SLC39A11: variants seen among roughly 807,000 people sequenced by gnomAD.
SLC39A11 encodes the protein solute carrier family 39 member 11, also known as zinc transporter ZIP11.
In SLC39A11, 33 loss-of-function variants were observed where a neutral mutation model predicts 36.1. The ratio of observed to expected loss-of-function variants is 0.91; its 90% confidence interval spans 0.69 to 1.22. SLC39A11 has a LOEUF of 1.22. Ranked by LOEUF, SLC39A11 falls within the 50% of genes most tolerant of loss-of-function variation. SLC39A11 has a pLI of 0.00. For missense variants in SLC39A11, 432 were observed against 430.3 expected (o/e 1.00, Z -0.03); for synonymous variants, 166 against 170.3 (o/e 0.97, Z 0.20).
At chr17:72,862,887 G>A (rs1403183703) in intron 5 of SLC39A11, among the ~76,000 whole-genome samples, 1 of 152,196 alleles carries the variant, frequency 6.6e-6, no homozygotes, top group African/African-American at 2.4e-5. Flanking sequence ...GACTGGAACT[G>A]AGCCCAGCCC....
chr17:72,860,255 A>G (rs543634813), intron 5 of SLC39A11, among the ~76,000 whole-genome samples: 104 of 152,036 alleles, frequency 6.8e-4, no homozygotes, highest in Non-Finnish European at 1.2e-3. Context: ...CTTCCCATTC[A>G]CAGGATCAGC....
At chr17:72,808,055 A>T (rs1325816900) in intron 6 of SLC39A11, among the ~76,000 whole-genome samples, 1 of 152,220 alleles carries the variant, frequency 6.6e-6, no homozygotes, top group East Asian at 1.9e-4. Flanking sequence ...CAGGAAAAAA[A>T]AAAAATACCC....
At chr17:73,066,820 C>A (rs902238475) in intron 3 of SLC39A11, among the ~76,000 whole-genome samples, 1 of 152,178 alleles carries the variant, frequency 6.6e-6, no homozygotes, top group African/African-American at 2.4e-5. Flanking sequence ...CAGTTCTACT[C>A]CTGGATATTT....
chr17:72,664,430 C>T (rs1177023308), intron 7 of SLC39A11, among the ~76,000 whole-genome samples: 1 of 152,146 alleles, frequency 6.6e-6, no homozygotes, highest in African/African-American at 2.4e-5. Context: ...AACCGTGGTG[C>T]CATTCTTGGC....
At chr17:72,846,745 G>C (rs1377274920) in intron 6 of SLC39A11, among the ~76,000 whole-genome samples, 1 of 152,178 alleles carries the variant, frequency 6.6e-6, no homozygotes, top group Non-Finnish European at 1.5e-5. Flanking sequence ...CAGAGAAATA[G>C]TTGCCGTAAT....
chr17:72,909,409 A>C (rs2082845726), intron 5 of SLC39A11, among the ~76,000 whole-genome samples: 1 of 152,198 alleles, frequency 6.6e-6, no homozygotes, highest in African/African-American at 2.4e-5. Flanking sequence ...TTCCAAGCTC[A>C]CTTGACCACT....
chr17:72,775,787 G>C (rs2076112705), intron 6 of SLC39A11, among the ~76,000 whole-genome samples: 1 of 152,196 alleles, frequency 6.6e-6, no homozygotes, highest in Non-Finnish European at 1.5e-5. Flanking sequence ...TCCAGCGATT[G>C]AAGAACCTAC....
chr17:72,693,075 T>A (rs1480768527), intron 7 of SLC39A11, among the ~76,000 whole-genome samples: 1 of 152,240 alleles, frequency 6.6e-6, no homozygotes, highest in Non-Finnish European at 1.5e-5. Context: ...AACATCTGGA[T>A]CAATTTGAAA....
At chr17:72,796,407 T>C (rs2076896109) in intron 6 of SLC39A11, among the ~76,000 whole-genome samples, 1 of 152,104 alleles carries the variant, frequency 6.6e-6, no homozygotes, top group South Asian at 2.1e-4. Flanking sequence ...GGAGGGCTTT[T>C]TGCTGCGCTC....
intron 4 of SLC39A11, among the ~76,000 whole-genome samples, chr17:73,020,819 G>C (rs2058324714): frequency 6.6e-6 from 1 of 151,328 alleles, no homozygotes; most frequent in East Asian, 2.0e-4. Context: ...AGTAGCTGGG[G>C]CTACAGGCGC....
At chr17:73,015,740 G>C (rs558968308) in intron 4 of SLC39A11, among the ~76,000 whole-genome samples, 2 of 152,086 alleles carry the variant, frequency 1.3e-5, no homozygotes, top group South Asian at 4.2e-4. Context: ...GCACCACCAC[G>C]CCCAGCTAAT....
rs547156851 is a variant in SLC39A11, at chr17:72,819,955, C to G, written c.601+29679G>C. 9.3e-5 allele frequency among the ~76,000 whole-genome samples: 14 copies of G among 151,168 alleles called. No individual in the cohort carries two copies. In the South Asian group the frequency reaches 3.0e-3, roughly 32 times the overall value. On this transcript the variant is annotated intron_variant, in intron 6 of 9. Transcript: ENST00000255559. ...TCAATCCTGTCAATTCATGCTAGGC[C>G]CTGTGTTCCCTCTGGGCCTCTACAC...
intron 6 of SLC39A11, among the ~76,000 whole-genome samples, chr17:72,769,439 C>T (rs1325091008): frequency 1.3e-5 from 2 of 152,158 alleles, no homozygotes; most frequent in Non-Finnish European, 2.9e-5. Flanking sequence ...GGATCTTGGG[C>T]CCCCAAATCG....
intron 4 of SLC39A11, among the ~76,000 whole-genome samples, chr17:72,988,767 G>A (rs568960697): frequency 2.6e-5 from 4 of 152,076 alleles, no homozygotes; most frequent in African/African-American, 9.6e-5. Flanking sequence ...GGAGTGCAGC[G>A]GCATGATCTC....
At chr17:72,773,644 TACACACACACACACAC>T (rs550889404) in intron 6 of SLC39A11, among the ~76,000 whole-genome samples, 1 of 78,812 alleles carries the variant, frequency 1.3e-5, no homozygotes, top group Non-Finnish European at 2.5e-5. Context: ...GAGACCATCT[TACACACACACACACAC>T]ACACACACAC....
chr17:72,703,653 T>C (rs2072754457), intron 7 of SLC39A11, among the ~76,000 whole-genome samples: 1 of 152,200 alleles, frequency 6.6e-6, no homozygotes, highest in African/African-American at 2.4e-5. Flanking sequence ...CTTAAATCCA[T>C]TTTGGAAAAC....
intron 5 of SLC39A11, among the ~76,000 whole-genome samples, chr17:72,900,928 A>G (rs1404484532): frequency 6.6e-6 from 1 of 151,840 alleles, no homozygotes; most frequent in Admixed American, 6.6e-5. Context: ...TCGAGCTTCA[A>G]AAGGTCACCT....
At chr17:72,713,427 G>C (rs1367095871) in intron 7 of SLC39A11, among the ~76,000 whole-genome samples, 1 of 151,294 alleles carries the variant, frequency 6.6e-6, no homozygotes, top group African/African-American at 2.4e-5. Context: ...TTTCCAGGGG[G>C]AGGCAGCAGC....
intron 4 of SLC39A11, among the ~76,000 whole-genome samples, chr17:72,990,821 G>C (rs1461392462): frequency 6.6e-6 from 1 of 152,158 alleles, no homozygotes; most frequent in African/African-American, 2.4e-5. Context: ...AGAGACTAAA[G>C]TTTAGGCTGC....
Sources: gnomAD v4.1 joint callset for allele counts (sites outside exome capture counted in the v4.1 genomes callset) on GRCh38, gnomAD v4.1.1 for gene constraint, MANE v1.5 for transcripts, NCBI Gene and HGNC (gene_info 2026-07-23, HGNC 2026-07-21) for gene names.